NEDD4: variants seen among roughly 807,000 people sequenced by gnomAD.
NEDD4 encodes the protein NEDD4 E3 ubiquitin protein ligase.
In NEDD4, 99 loss-of-function variants were observed where a neutral mutation model predicts 144.9. The observed-to-expected ratio is 0.68, with a 90% confidence interval of 0.58 to 0.81. The LOEUF (loss-of-function observed/expected upper bound fraction) is 0.81, where lower values mean the gene tolerates loss of function less well. NEDD4 is among the 30% of genes least tolerant of loss of function. The pLI is 0.00. For missense variants in NEDD4, 985 were observed against 1,065.9 expected, an observed-to-expected ratio of 0.92 and a Z score of 1.06; for synonymous variants, 318 against 350.6, an observed-to-expected ratio of 0.91 and a Z score of 1.04.
intron 1 of NEDD4, among the ~76,000 whole-genome samples, chr15:55,967,086 C>T (rs1205858196): frequency 6.6e-6 from 1 of 152,102 alleles, no homozygotes; most frequent in East Asian, 1.9e-4. Context: ...AGGGTTTCAC[C>T]ATTGGCTGGG....
At chr15:55,978,373 T>A (rs879373499) in intron 1 of NEDD4, among the ~76,000 whole-genome samples, 1 of 152,246 alleles carries the variant, frequency 6.6e-6, no homozygotes, top group African/African-American at 2.4e-5. Flanking sequence ...TTTTAATATT[T>A]GCATTGGTTT....
intron 11 of NEDD4, among the ~76,000 whole-genome samples, chr15:55,858,857 G>A (rs1056363385): frequency 6.6e-6 from 1 of 152,202 alleles, no homozygotes; most frequent in Non-Finnish European, 1.5e-5. Flanking sequence ...TATGGTTGCT[G>A]CTGTAACTAC....
In NEDD4 at chr15:55,872,452, G is replaced by A. The variant is rs1841395619; in HGVS notation, c.367C>T (p.Pro123Ser). 6.8e-7 allele frequency: 1 copy of A among 1,465,722 alleles called. No individual in the cohort carries two copies. Among genetic ancestry groups the A allele is most frequent in the Non-Finnish European group, 9.2e-7 (1 of 1,090,982 alleles). 90.8% of individuals were successfully genotyped at this position (1,465,722 alleles called of 1,614,324 possible). A position where few individuals can be genotyped will look rare whatever the true frequency, so the allele number is the denominator to read the frequency against. Residue 123 changes from proline (P) to serine (S), a missense_variant, in exon 7 of 29, where the codon CCA becomes TCA. Transcript: ENST00000435532. Reference protein sequence around the residue: ...LPTENPRLERPYTFKDFVLHP... With the variant: ...LPTENPRLERSYTFKDFVLHP... ...AGAACAAAATCCTTAAATGTATATG[G>A]TCTCTCCAATCTTGGATTTTCTGTC...
intron 9 of NEDD4, among the ~76,000 whole-genome samples, chr15:55,861,986 G>A (rs1046098225): frequency 6.6e-6 from 1 of 152,056 alleles, no homozygotes; most frequent in African/African-American, 2.4e-5. Context: ...TGAAAGAACT[G>A]TGATTTTGCT....
chr15:55,840,789 A>G, intron 19 of NEDD4, 62 bp from the exon 20 acceptor site: 1 of 1,495,864 alleles, frequency 6.7e-7, no homozygotes, highest in Non-Finnish European at 9.2e-7. Context: ...AAATAATTAC[A>G]AATAATCTTC....
intron 1 of NEDD4, among the ~76,000 whole-genome samples, chr15:55,970,050 C>A (rs186359982): frequency 1.3e-5 from 2 of 152,064 alleles, no homozygotes; most frequent in African/African-American, 4.8e-5. Flanking sequence ...AGGGAGAGAC[C>A]CAGGCCTGGC....
chr15:55,948,438 A>T (rs1228923243), intron 4 of NEDD4, among the ~76,000 whole-genome samples: 1 of 152,210 alleles, frequency 6.6e-6, no homozygotes, highest in African/African-American at 2.4e-5. Flanking sequence ...TTCTTCACAG[A>T]ATTGGAAAAA....
In NEDD4 at chr15:55,911,872, A is replaced by G. The variant is rs759173178; in HGVS notation, c.291+12774T>C. ...TTTACAAGCATGTCCCTATTACTAGAATGGGAGCTCCCCTAAATAGAGACT... is the reference window on the plus strand; with the variant it reads ...TTTACAAGCATGTCCCTATTACTAGGATGGGAGCTCCCCTAAATAGAGACT... On this transcript the variant is annotated intron_variant, in intron 5 of 28. Coordinates refer to ENST00000435532, the MANE Select transcript of NEDD4 (RefSeq NM_006154.4). 1.2e-4 allele frequency among the ~76,000 whole-genome samples: 18 copies of G among 152,262 alleles called. No homozygotes were observed. In the South Asian group the frequency reaches 3.3e-3, roughly 28 times the overall value.
At chr15:55,987,725 A>G in intron 1 of NEDD4, 1 of 47,738 alleles carries the variant, frequency 2.1e-5, no homozygotes, top group African/African-American at 8.8e-5. Flanking sequence ...TTTATTAAAT[A>G]GGGAATCCTT....
At chr15:55,941,538 G>A (rs1050214990) in intron 4 of NEDD4, among the ~76,000 whole-genome samples, 12 of 151,230 alleles carry the variant, frequency 7.9e-5, no homozygotes, top group African/African-American at 2.4e-4. Flanking sequence ...TAAATCTGCT[G>A]TGATCAGAGA....
rs538916385 is a variant in NEDD4 at position 55,906,130 on chromosome 15, CA to C, written c.291+18515del. On this transcript the variant is annotated intron_variant, in intron 5 of 28. Coordinates refer to ENST00000435532, the MANE Select transcript of NEDD4 (RefSeq NM_006154.4). ...TGGCGATCATTAAAAAGTCAGGAAACAACAGGTGCTGGAGAGGATGTGGAGA... is the reference window on the plus strand; with the variant it reads ...TGGCGATCATTAAAAAGTCAGGAAACACAGGTGCTGGAGAGGATGTGGAGA... Among the ~76,000 whole-genome samples, 32 of 152,240 alleles carry C rather than the reference CA, an allele frequency of 2.1e-4. No individual in the cohort carries two copies. The South Asian group carries it at 6.4e-3, about 31-fold the overall frequency.
intron 1 of NEDD4, among the ~76,000 whole-genome samples, chr15:55,971,226 A>G (rs1266289882): frequency 3.9e-5 from 6 of 152,188 alleles, no homozygotes; most frequent in African/African-American, 1.4e-4. Flanking sequence ...GAGCTTGAAG[A>G]TAGGTTATTT....
intron 1 of NEDD4, among the ~76,000 whole-genome samples, chr15:55,985,760 TACACAC>T (rs3049246): frequency 5.1e-4 from 75 of 148,432 alleles, no homozygotes; most frequent in Admixed American, 7.4e-4. Context: ...AGAGTACACA[TACACAC>T]ACACACACAC....
At chr15:55,835,516 T>G (rs938543837) in intron 24 of NEDD4, among the ~76,000 whole-genome samples, 10 of 150,972 alleles carry the variant, frequency 6.6e-5, no homozygotes, top group African/African-American at 2.0e-4. Flanking sequence ...CAGGTCTCTC[T>G]CCACATGTGA....
intron 5 of NEDD4, among the ~76,000 whole-genome samples, chr15:55,898,811 T>A (rs975541997): frequency 1.1e-4 from 16 of 151,136 alleles, no homozygotes; most frequent in Non-Finnish European, 2.2e-4. Context: ...TTAAAAACAA[T>A]TTTTTTTTAA....
chr15:55,838,350 A>C (rs1160913836), intron 22 of NEDD4, among the ~76,000 whole-genome samples, 159 bp downstream of exon 22: 1 of 152,226 alleles, frequency 6.6e-6, no homozygotes, highest in Admixed American at 6.5e-5. Context: ...GGAACGAGTC[A>C]AATGTTAAAG....
intron 5 of NEDD4, chr15:55,916,555 G>T: frequency 6.2e-7 from 1 of 1,614,028 alleles, no homozygotes; most frequent in Non-Finnish European, 8.5e-7. Flanking sequence ...TACCTTGTTG[G>T]CTGTAGTGAA....
chr15:55,890,457 G>A (rs181661205), intron 5 of NEDD4, among the ~76,000 whole-genome samples: 5 of 151,874 alleles, frequency 3.3e-5, no homozygotes, highest in East Asian at 1.9e-4. Context: ...TATATAATAC[G>A]TGGTCCTTTA....
At chr15:55,955,757 A>C (rs1158607360) in intron 2 of NEDD4, among the ~76,000 whole-genome samples, 1 of 151,354 alleles carries the variant, frequency 6.6e-6, no homozygotes, top group African/African-American at 2.4e-5. Flanking sequence ...CACATCTTAC[A>C]CATGTGCATG....
Sources: allele counts gnomAD v4.1 joint callset (sites outside exome capture counted in the v4.1 genomes callset), GRCh38; gene constraint gnomAD v4.1.1; transcripts MANE v1.5; gene names NCBI Gene and HGNC (gene_info 2026-07-23, HGNC 2026-07-21).